RP1: variants seen among roughly 807,000 people sequenced by gnomAD.
RP1 encodes the protein oxygen-regulated protein 1.
RP1 carries 16 observed loss-of-function variants against 14.8 expected under a neutral mutation model. The observed-to-expected ratio is 1.08, with a 90% CI of 0.73 to 1.65. The LOEUF (loss-of-function observed/expected upper bound fraction) is 1.65. RP1 is among the 40% of genes most tolerant of loss of function. RP1 has a pLI of 0.00. For synonymous variants in RP1, 876 were observed against 883.6 expected (o/e 0.99, Z 0.15); for missense variants, 2,631 against 2,535.0 (o/e 1.04, Z -0.81).
chr8:54,744,512 C>T (rs1268983539), intron 19 of RP1, among the ~76,000 whole-genome samples: 2 of 152,224 alleles, frequency 1.3e-5, no homozygotes, highest in African/African-American at 4.8e-5. Flanking sequence ...AGGATGATTA[C>T]ATAGACTGGA....
At chr8:54,812,558 C>A (rs867318485) in intron 24 of RP1, among the ~76,000 whole-genome samples, 8 of 152,184 alleles carry the variant, frequency 5.3e-5, no homozygotes, top group African/African-American at 1.4e-4. Context: ...TTCTCAATAA[C>A]CAACCTTAGA....
At chr8:54,738,823 TC>T in intron 18 of RP1, 3 of 550,262 alleles carry the variant, frequency 5.5e-6, no homozygotes, top group Non-Finnish European at 9.3e-6. Context: ...CTGAAAGAGT[TC>T]CTGAGAGCTT....
intron 1 of RP1, among the ~76,000 whole-genome samples, chr8:54,606,419 C>T (rs9692994): frequency 6.6e-6 from 1 of 150,760 alleles, no homozygotes; most frequent in African/African-American, 2.5e-5. Flanking sequence ...TCTGCTGTTA[C>T]TCTGATGGGC....
At chr8:54,612,444 G>C (rs976688912), upstream of RP1, among the ~76,000 whole-genome samples, 4 of 152,168 alleles carry the variant, frequency 2.6e-5, no homozygotes, top group South Asian at 8.3e-4. Flanking sequence ...TACCAGCCAA[G>C]CCTTCCTCTG....
intron 1 of RP1, among the ~76,000 whole-genome samples, chr8:54,584,989 A>G (rs1474318296): frequency 6.6e-6 from 1 of 152,188 alleles, no homozygotes; most frequent in Non-Finnish European, 1.5e-5. Context: ...TGGAGCATTT[A>G]GCCCATTTCC....
intron 23 of RP1, among the ~76,000 whole-genome samples, chr8:54,779,482 C>T (rs1312534200): frequency 6.6e-6 from 1 of 152,132 alleles, no homozygotes; most frequent in Non-Finnish European, 1.5e-5. Context: ...TATCTGAAAA[C>T]ATGTCTAGAC....
At chr8:54,639,270 G>T (rs1806412599) in intron 3 of RP1, among the ~76,000 whole-genome samples, 1 of 152,120 alleles carries the variant, frequency 6.6e-6, no homozygotes, top group South Asian at 2.1e-4. Flanking sequence ...GTTTTTCATT[G>T]CTGAGTGGTA....
At chr8:54,624,584 T>C (rs1805973978) in intron 3 of RP1, 86 bp from the exon 4 acceptor site, 2 of 1,324,056 alleles carry the variant, frequency 1.5e-6, no homozygotes, top group Non-Finnish European at 2.1e-6. Context: ...CTTTTTTTGC[T>C]GCCTCTTCCT....
intron 3 of RP1, among the ~76,000 whole-genome samples, chr8:54,642,058 T>A (rs1182268269): frequency 6.6e-6 from 1 of 152,226 alleles, no homozygotes; most frequent in Non-Finnish European, 1.5e-5. Context: ...AATGGTTCAG[T>A]CTTTTCTGTT....
In RP1 at chr8:54,621,099, G is replaced by C; in HGVS notation, c.133G>C (p.Asp45His). 6.2e-7 allele frequency: 1 copy of C among 1,614,116 alleles called. No homozygotes were observed. The highest frequency in any genetic ancestry group is 8.5e-7 in the Non-Finnish European group (1 of 1,180,024). ...GCGAATCAGTTTCTACAAGAGCGGA[G>C]ACCCCCAATTCGGCGGGGTCAGGGT... The part of the protein sequence containing the change: ...AKRISFYKSG[D>H]PQFGGVRVVV... The change falls in exon 2 of 4, where the codon GAC becomes CAC. Residue 45 changes from aspartate (D) to histidine (H), a missense_variant. Physicochemically the swap from Asp to His is moderately conservative, Grantham distance 81. Transcript: ENST00000220676.
At chr8:54,588,412 G>A (rs1054014841) in intron 1 of RP1, among the ~76,000 whole-genome samples, 1 of 152,138 alleles carries the variant, frequency 6.6e-6, no homozygotes, top group Non-Finnish European at 1.5e-5. Context: ...AGGGACCCAA[G>A]GTCTGACTGG....
chr8:54,756,258 C>G (rs1809501819), intron 21 of RP1, among the ~76,000 whole-genome samples: 1 of 152,096 alleles, frequency 6.6e-6, no homozygotes, highest in South Asian at 2.1e-4. Flanking sequence ...AAACATAAGT[C>G]TTTCTATATA....
At chr8:54,669,353 C>T (rs533687893) in intron 7 of RP1, among the ~76,000 whole-genome samples, 13 of 152,118 alleles carry the variant, frequency 8.5e-5, no homozygotes, top group African/African-American at 2.9e-4. Context: ...GTTAGAATGG[C>T]GATCATTAAA....
At chr8:54,725,221 T>C (rs1383017644) in intron 16 of RP1, among the ~76,000 whole-genome samples, 1 of 152,224 alleles carries the variant, frequency 6.6e-6, no homozygotes, top group Non-Finnish European at 1.5e-5. Context: ...TATAAGAATC[T>C]TAAATTTTTT....
intron 1 of RP1, among the ~76,000 whole-genome samples, chr8:54,581,209 T>A (rs1287802798): frequency 1.4e-5 from 2 of 146,090 alleles, no homozygotes; most frequent in African/African-American, 2.5e-5. Context: ...CCTGTGTCCA[T>A]GTATTCTCAT....
At chr8:54,869,779 C>G in intron 28 of RP1, 2 of 594,546 alleles carry the variant, frequency 3.4e-6, no homozygotes, top group Non-Finnish European at 4.9e-6. Flanking sequence ...TTTTTCCTTT[C>G]TAACTAATGA....
chr8:54,747,511 C>T (rs1809255585), intron 19 of RP1, among the ~76,000 whole-genome samples: 1 of 152,230 alleles, frequency 6.6e-6, no homozygotes, highest in Non-Finnish European at 1.5e-5. Context: ...ATAATCCCAA[C>T]TCCTACAGTA....
chr8:54,674,557 T>C (rs1585597393), intron 8 of RP1, among the ~76,000 whole-genome samples: 1 of 137,320 alleles, frequency 7.3e-6, no homozygotes, highest in Admixed American at 7.2e-5. Flanking sequence ...TCAAACAAGG[T>C]GATAAACTTT....
chr8:54,688,317 T>C (rs1032482850), intron 12 of RP1, among the ~76,000 whole-genome samples: 1 of 152,236 alleles, frequency 6.6e-6, no homozygotes, highest in Non-Finnish European at 1.5e-5. Flanking sequence ...TTTAGTTTAA[T>C]TACATCCCAT....
Sources: allele counts gnomAD v4.1 joint callset (sites outside exome capture counted in the v4.1 genomes callset), GRCh38; gene constraint gnomAD v4.1.1; transcripts MANE v1.5; gene names NCBI Gene and HGNC (gene_info 2026-07-23, HGNC 2026-07-21).